The following ATXN2 variants were observed in gnomAD, a reference collection of about 807,000 sequenced individuals.
The protein encoded by ATXN2 is ataxin 2, also known as ataxin-2.
ATXN2 carries 37 observed loss-of-function variants against 138.6 expected under a neutral mutation model. That is an observed-to-expected ratio of 0.27 (90% confidence interval 0.21 to 0.35). ATXN2 has a LOEUF of 0.35. Among genes scored for constraint, ATXN2 ranks in the 10% least tolerant of loss-of-function variants. The probability of loss-of-function intolerance (pLI) is 1.00; values close to 1 mark genes in which losing one functional copy is unlikely to be tolerated. For synonymous variants in ATXN2, 549 were observed against 543.7 expected, an observed-to-expected ratio of 1.01 and a Z score of -0.13; for missense variants, 1,216 against 1,480.3, an observed-to-expected ratio of 0.82 and a Z score of 2.93.
At chr12:111,534,418 G>A (rs946961299) in intron 5 of ATXN2, among the ~76,000 whole-genome samples, 1 of 151,984 alleles carries the variant, frequency 6.6e-6, no homozygotes, top group African/African-American at 2.4e-5. Context: ...ATATATACAT[G>A]TAAACTTTTC....
chr12:111,539,673 C>T (rs1881385338), intron 5 of ATXN2, among the ~76,000 whole-genome samples: 1 of 149,408 alleles, frequency 6.7e-6, no homozygotes, highest in Admixed American at 6.7e-5. Flanking sequence ...GGCATGAACC[C>T]GGGAGGCGGA....
intron 2 of ATXN2, 52 bp from the exon 3 acceptor site, chr12:111,554,269 T>C (rs766914480): frequency 7.3e-6 from 9 of 1,229,738 alleles, no homozygotes; most frequent in East Asian, 2.8e-5. Flanking sequence ...AAACTGAATC[T>C]TCCTCATCTA....
Position 111,464,247 on chromosome 12 carries a change from GGT to G in ATXN2, c.2896+413_2896+414del, listed in dbSNP as rs57717176. 7.3e-3 allele frequency among the ~76,000 whole-genome samples: 981 copies of G among 134,482 alleles called. 8 individuals are homozygous for G. Among genetic ancestry groups the G allele is most frequent in the Middle Eastern group, 0.035 (9 of 260 alleles). The allele number at this position is 134,482 out of a possible 152,430, so 88.2% of individuals were successfully genotyped here. A position where few individuals can be genotyped will look rare whatever the true frequency, so the allele number is the denominator to read the frequency against. The stretch of plus-strand genomic sequence containing the variant: ...AGTTTATACCAAGCTTGTGGCTTGG[GGT>G]GTGTGTGTGTGTGTGTGTGTGTGTG... On this transcript the variant is annotated intron_variant, in intron 21 of 24. Coordinates refer to ENST00000673436, the MANE Select transcript of ATXN2 (RefSeq NM_001372574.1).
chr12:111,594,440 G>A (rs993721192), intron 1 of ATXN2, among the ~76,000 whole-genome samples: 1 of 152,014 alleles, frequency 6.6e-6, no homozygotes, highest in Non-Finnish European at 1.5e-5. Context: ...CTGGGCTCAA[G>A]TGATGCTCCT....
chr12:111,462,698 GTTAATGA>G (rs1322889736), intron 21 of ATXN2, among the ~76,000 whole-genome samples: 1 of 152,160 alleles, frequency 6.6e-6, no homozygotes, highest in Non-Finnish European at 1.5e-5. Flanking sequence ...AGGCTTAGGT[GTTAATGA>G]TTAAGGACCT....
Position 111,598,548 on chromosome 12 carries a change from C to T in ATXN2, c.251+236G>A, listed in dbSNP as rs1236776846. On this transcript the variant is annotated intron_variant, in intron 1 of 24. Transcript: ENST00000673436. The surrounding 1 kb of genome is among the most constrained non-coding windows in gnomAD (Gnocchi z 4.5). ...CGCCCGCTCCCTCCATCTTGACCGC[C>T]GGGGGAGGGGGCGGGGATGCTGCGG... 1 of 982,806 alleles carries T rather than the reference C, an allele frequency of 1.0e-6. No individual in the cohort carries two copies. 60.9% of individuals were successfully genotyped at this position (982,806 alleles called of 1,614,324 possible). A position where few individuals can be genotyped will look rare whatever the true frequency, so the allele number is the denominator to read the frequency against.
At chr12:111,464,194 T>C (rs1025689282) in intron 21 of ATXN2, among the ~76,000 whole-genome samples, 1 of 152,086 alleles carries the variant, frequency 6.6e-6, no homozygotes, top group Non-Finnish European at 1.5e-5. Context: ...ATAAATTTCA[T>C]CTTATCAGAA....
chr12:111,594,904 T>C (rs950059855), intron 1 of ATXN2, among the ~76,000 whole-genome samples: 1 of 152,192 alleles, frequency 6.6e-6, no homozygotes, highest in Non-Finnish European at 1.5e-5. Flanking sequence ...ATAAACCAAG[T>C]ACCCTCATTA....
intron 14 of ATXN2, among the ~76,000 whole-genome samples, chr12:111,493,630 A>ATT (rs538107471): frequency 6.3e-5 from 9 of 143,688 alleles, no homozygotes; most frequent in East Asian, 2.0e-4. Flanking sequence ...AAGAACTACA[A>ATT]TTTTTTTTTT....
intron 1 of ATXN2, among the ~76,000 whole-genome samples, chr12:111,590,468 C>T (rs936934862): frequency 6.6e-6 from 1 of 151,542 alleles, no homozygotes; most frequent in African/African-American, 2.4e-5. Context: ...GGGCGGATCA[C>T]AAGGTCAGGA....
intron 5 of ATXN2, among the ~76,000 whole-genome samples, chr12:111,536,923 C>T (rs1881217122): frequency 6.6e-6 from 1 of 151,396 alleles, no homozygotes; most frequent in Admixed American, 6.6e-5. Context: ...GCTGAGATTA[C>T]AGGTGCACGC....
chr12:111,497,637 ATTAT>A (rs1878503102), intron 14 of ATXN2, among the ~76,000 whole-genome samples: 1 of 151,186 alleles, frequency 6.6e-6, no homozygotes. Flanking sequence ...ATATATATAT[ATTAT>A]TTATACTGTG....
chr12:111,464,957 T>A (rs1280025772), intron 20 of ATXN2, among the ~76,000 whole-genome samples: 1 of 152,168 alleles, frequency 6.6e-6, no homozygotes, highest in African/African-American at 2.4e-5. Context: ...GTAAAAGGAA[T>A]AAAATCATTA....
intron 21 of ATXN2, among the ~76,000 whole-genome samples, chr12:111,459,648 C>G (rs1177611911): frequency 2.0e-5 from 3 of 152,146 alleles, no homozygotes; most frequent in Admixed American, 6.5e-5. Context: ...CCATGTTGGC[C>G]AGGCTGGTCT....
intron 18 of ATXN2, among the ~76,000 whole-genome samples, chr12:111,481,697 T>C (rs1460788091): frequency 6.6e-6 from 1 of 152,120 alleles, no homozygotes; most frequent in African/African-American, 2.4e-5. Context: ...ACTCTTTCAC[T>C]CAGGCTGGGG....
chr12:111,591,063 TG>T (rs1707446038), intron 1 of ATXN2, among the ~76,000 whole-genome samples: 1 of 151,976 alleles, frequency 6.6e-6, no homozygotes, highest in South Asian at 2.1e-4. Context: ...CTAATTTTTT[TG>T]TATTTTTAGT....
chr12:111,584,879 G>C (rs1397127307), intron 1 of ATXN2, among the ~76,000 whole-genome samples: 1 of 152,012 alleles, frequency 6.6e-6, no homozygotes, highest in Non-Finnish European at 1.5e-5. Flanking sequence ...TGAGGTAGGA[G>C]AATCACTTGA....
At position 111,554,177 on chromosome 12, in the gene ATXN2, T is replaced by C; in HGVS notation, c.329A>G (p.His110Arg). Residue 110 changes from histidine to arginine, a missense_variant, in exon 3 of 25, where the codon CAT (histidine) becomes CGT (arginine). Around this residue, in one of 4 missense-constraint regions of ATXN2, gnomAD observed 401 missense variants for 528.1 expected, o/e 0.76. Transcript: ENST00000673436. The stretch of plus-strand genomic sequence containing the variant: ...ACTTACAACAACTGATGTAAGTATA[T>C]GAACCATCCTCATATTTGCATAGAT... ...DGIYANMRMVHILTSVVGSKC... is the reference protein window; with the variant it reads ...DGIYANMRMVRILTSVVGSKC... The C allele has an allele frequency of 3.3e-6, 5 of 1,495,288 alleles. No homozygotes were observed. Among genetic ancestry groups the C allele is most frequent in the Admixed American group, 2.2e-5 (1 of 45,176 alleles). The allele number at this position is 1,495,288 out of a possible 1,614,324, so 92.6% of individuals were successfully genotyped here.
chr12:111,470,899 C>T (rs1368123268), intron 18 of ATXN2, 157 bp from the exon 19 acceptor site: 9 of 736,694 alleles, frequency 1.2e-5, no homozygotes, highest in Non-Finnish European at 2.0e-5. Flanking sequence ...GGTTATTTTC[C>T]TATCATGCAT....
Sources: gnomAD v4.1 joint callset for allele counts (sites outside exome capture counted in the v4.1 genomes callset) on GRCh38, gnomAD v4.1.1 for gene constraint, gnomAD v4.1.1 regional missense constraint, Gnocchi (gnomAD v3.1) non-coding constraint, MANE v1.5 for transcripts, NCBI Gene and HGNC (gene_info 2026-07-23, HGNC 2026-07-21) for gene names.